SFI1: variants seen among roughly 807,000 people sequenced by gnomAD.
SFI1 encodes SFI1 centrin binding protein.
In SFI1, 195 loss-of-function variants were observed where a neutral mutation model predicts 207.5. The ratio of observed to expected loss-of-function variants is 0.94; its 90% confidence interval spans 0.84 to 1.06. SFI1 has a LOEUF of 1.06. Among genes scored for constraint, SFI1 ranks in the 50% least tolerant of loss-of-function variants. The probability of loss-of-function intolerance (pLI) is 0.00; values close to 1 mark genes in which losing one functional copy is unlikely to be tolerated. For synonymous variants in SFI1, 630 were observed against 598.9 expected (o/e 1.05, Z -0.76); for missense variants, 1,634 against 1,588.0 (o/e 1.03, Z -0.49).
chr22:31,508,163 C>T, intron 1 of SFI1, 92 bp from the exon 2 acceptor site: 1 of 715,532 alleles, frequency 1.4e-6, no homozygotes, highest in South Asian at 1.5e-5. Context: ...TTAAGGAGAG[C>T]AGGAGACTAG....
chr22:31,600,447 G>A (rs1354325563), intron 15 of SFI1, among the ~76,000 whole-genome samples: 2 of 152,192 alleles, frequency 1.3e-5, no homozygotes, highest in East Asian at 1.9e-4. Flanking sequence ...CCAGAGCTCC[G>A]TCTTTCAACC....
intron 14 of SFI1, among the ~76,000 whole-genome samples, chr22:31,585,995 G>C (rs778853740): frequency 2.0e-5 from 3 of 152,078 alleles, no homozygotes; most frequent in Non-Finnish European, 4.4e-5. Context: ...AGATTCACCT[G>C]TTAGCTAGTT....
intron 15 of SFI1, among the ~76,000 whole-genome samples, chr22:31,594,302 CA>C (rs1225614468): frequency 1.2e-4 from 18 of 152,118 alleles, no homozygotes; most frequent in Non-Finnish European, 4.4e-5. Context: ...GTAATCCCAG[CA>C]CTTTGGGAGG....
At chr22:31,538,765 T>C (rs2059222802) in intron 4 of SFI1, among the ~76,000 whole-genome samples, 1 of 152,158 alleles carries the variant, frequency 6.6e-6, no homozygotes, top group Non-Finnish European at 1.5e-5. Context: ...CCTGTTTGAC[T>C]GCCCCTTCTA....
chr22:31,611,346 C>T, intron 23 of SFI1, 43 bp downstream of exon 23: 1 of 1,551,116 alleles, frequency 6.4e-7, no homozygotes, highest in East Asian at 2.3e-5. Context: ...GCCTGCCTGG[C>T]AAGGGGTGTC....
Position 31,618,470 on chromosome 22 carries a change from A to G in SFI1, c.*52A>G. On this transcript the variant is annotated 3_prime_UTR_variant, in exon 33 of 33. Coordinates refer to ENST00000400288, the MANE Select transcript of SFI1 (RefSeq NM_001007467.3). ...TGGGCTGTCGGGGAGGCCTCAGGCC[A>G]CCTCCAGGAACAGAACACAGTTTTA... 1 of 1,437,978 alleles carries G rather than the reference A, an allele frequency of 7.0e-7. No homozygotes were observed. The highest frequency in any genetic ancestry group is 9.2e-7 in the Non-Finnish European group (1 of 1,086,600). 89.1% of individuals were successfully genotyped at this position (1,437,978 alleles called of 1,614,324 possible).
intron 15 of SFI1, 100 bp from the exon 16 acceptor site, chr22:31,602,112 T>G: frequency 1.0e-6 from 1 of 990,802 alleles, no homozygotes; most frequent in Non-Finnish European, 1.6e-6. Flanking sequence ...TACGATAGCA[T>G]GGTATAAAAG....
At chr22:31,496,396 C>G (rs941711612), upstream of SFI1, 4 of 152,374 alleles carry the variant, frequency 2.6e-5, no homozygotes, top group Non-Finnish European at 4.4e-5. Flanking sequence ...TGCTGCAAAG[C>G]AACCCGAAGT....
chr22:31,528,198 T>G, intron 2 of SFI1, among the ~76,000 whole-genome samples: 1 of 151,714 alleles, frequency 6.6e-6, no homozygotes. Context: ...GGTAGGAGGA[T>G]TCCTTGAGCC....
At chr22:31,594,875 AAATT>A (rs2066858297) in intron 15 of SFI1, among the ~76,000 whole-genome samples, 2 of 150,866 alleles carry the variant, frequency 1.3e-5, no homozygotes, top group Non-Finnish European at 3.0e-5. Flanking sequence ...AAAAAAAAAA[AAATT>A]AGAAAGCTCA....
intron 8 of SFI1, among the ~76,000 whole-genome samples, chr22:31,568,047 G>A (rs764696411): frequency 6.6e-6 from 1 of 152,030 alleles, no homozygotes; most frequent in Admixed American, 6.6e-5. Flanking sequence ...AATTATGGCA[G>A]TGTTGTTAGG....
intron 21 of SFI1, chr22:31,606,755 G>C (rs2069094723): frequency 5.4e-6 from 1 of 186,212 alleles, no homozygotes; most frequent in African/African-American, 2.6e-5. Flanking sequence ...AGAGTGCAGT[G>C]GTATCATCTC....
intron 12 of SFI1, among the ~76,000 whole-genome samples, chr22:31,581,029 A>G (rs961106912): frequency 1.3e-5 from 2 of 152,052 alleles, no homozygotes; most frequent in Non-Finnish European, 2.9e-5. Flanking sequence ...ATTTAGAGGC[A>G]GGGTCTTGTT....
chr22:31,509,480 A>G (rs773950916), intron 2 of SFI1, among the ~76,000 whole-genome samples: 5 of 152,226 alleles, frequency 3.3e-5, no homozygotes, highest in East Asian at 3.8e-4. Context: ...AACATCCAGC[A>G]TGGGAGAAAG....
chr22:31,531,953 C>T (rs1349304681), intron 4 of SFI1, among the ~76,000 whole-genome samples: 3 of 148,844 alleles, frequency 2.0e-5, no homozygotes, highest in African/African-American at 7.4e-5. Context: ...CCCAGCTACT[C>T]GGGAGGCTGA....
chr22:31,586,238 C>G, intron 14 of SFI1, among the ~76,000 whole-genome samples: 1 of 152,192 alleles, frequency 6.6e-6, no homozygotes, highest in Non-Finnish European at 1.5e-5. Flanking sequence ...GTCACCTCCT[C>G]CCCCAGGCCA....
At chr22:31,557,926 A>G (rs1311224213) in intron 7 of SFI1, among the ~76,000 whole-genome samples, 1 of 152,158 alleles carries the variant, frequency 6.6e-6, no homozygotes, top group Non-Finnish European at 1.5e-5. Context: ...ATTTCACTCT[A>G]TGTTGTCTGT....
intron 7 of SFI1, among the ~76,000 whole-genome samples, chr22:31,558,740 G>A (rs2061405167): frequency 6.6e-6 from 1 of 152,064 alleles, no homozygotes; most frequent in African/African-American, 2.4e-5. Context: ...GCCTCTCCAA[G>A]TGCTGGGATT....
At chr22:31,562,886 C>T (rs2061863123) in intron 8 of SFI1, among the ~76,000 whole-genome samples, 1 of 151,756 alleles carries the variant, frequency 6.6e-6, no homozygotes, top group Non-Finnish European at 1.5e-5. Context: ...CCTGCATCGG[C>T]CTCCCAAAGT....
Sources: allele counts gnomAD v4.1 joint callset (sites outside exome capture counted in the v4.1 genomes callset), GRCh38; gene constraint gnomAD v4.1.1; transcripts MANE v1.5; gene names NCBI Gene and HGNC (gene_info 2026-07-23, HGNC 2026-07-21).